The following SEPTIN9 variants were observed in gnomAD, a reference collection of about 807,000 sequenced individuals.
The protein encoded by SEPTIN9 is septin-9.
A neutral mutation model predicts 56.6 loss-of-function variants in SEPTIN9; 13 were observed. The ratio of observed to expected loss-of-function variants is 0.23; its 90% confidence interval spans 0.15 to 0.37. SEPTIN9 has a LOEUF of 0.37. Ranked by LOEUF, SEPTIN9 falls within the 10% of genes least tolerant of loss-of-function variation. The pLI, the probability that SEPTIN9 is intolerant of heterozygous loss-of-function variation, is 1.00. For synonymous variants in SEPTIN9, 332 were observed against 334.1 expected (o/e 0.99, Z 0.07); for missense variants, 650 against 823.1 (o/e 0.79, Z 2.57).
At chr17:77,334,426 A>T (rs1307468258) in intron 2 of SEPTIN9, among the ~76,000 whole-genome samples, 1 of 151,430 alleles carries the variant, frequency 6.6e-6, no homozygotes, top group African/African-American at 2.4e-5. Flanking sequence ...TGTCTCAAAA[A>T]AAAAAAAAAA....
rs2032436120 is a variant in SEPTIN9 at position 77,310,181 on chromosome 17, C to T, written c.76+2984C>T. Among the ~76,000 whole-genome samples the T allele has an allele frequency of 6.6e-6, 1 of 152,154 alleles. No individual in the cohort carries two copies. The highest frequency in any genetic ancestry group is 2.1e-4 in the South Asian group (1 of 4,824). ...ATTTTTAGTAGACACAGGGTTTCAC[C>T]ATGTTGGTCAGGCTGGTCTCATACC... On this transcript the variant is annotated intron_variant, in intron 2 of 11. Transcript: ENST00000427177. This position sits in a 1 kb window ranked among gnomAD's most constrained non-coding sequence, Gnocchi z 4.7.
At chr17:77,373,174 C>G in intron 2 of SEPTIN9, 1 of 1,066,046 alleles carries the variant, frequency 9.4e-7, no homozygotes. Context: ...CCCCAGCGGC[C>G]ACTCGGGCCC....
intron 10 of SEPTIN9, among the ~76,000 whole-genome samples, chr17:77,496,633 T>C (rs2040272290): frequency 6.6e-6 from 1 of 152,256 alleles, no homozygotes; most frequent in African/African-American, 2.4e-5. Flanking sequence ...GCCCGTGGTC[T>C]CCTGCCCAGT....
chr17:77,419,079 G>A (rs1002019570), intron 3 of SEPTIN9, among the ~76,000 whole-genome samples: 2 of 152,180 alleles, frequency 1.3e-5, no homozygotes, highest in Non-Finnish European at 2.9e-5. Flanking sequence ...CTTCTCTGCC[G>A]ATGTTCCTGA....
At chr17:77,296,060 G>A (rs1371084862) in intron 1 of SEPTIN9, among the ~76,000 whole-genome samples, 1 of 152,082 alleles carries the variant, frequency 6.6e-6, no homozygotes, top group African/African-American at 2.4e-5. Flanking sequence ...CTTATAAGAA[G>A]AGGGAGAGAC....
chr17:77,382,675 C>G (rs1430884046), intron 2 of SEPTIN9, among the ~76,000 whole-genome samples: 2 of 152,220 alleles, frequency 1.3e-5, no homozygotes, highest in African/African-American at 4.8e-5. Flanking sequence ...GGGCCTCCAC[C>G]AGAAAACCTC....
chr17:77,447,330 C>T (rs538524250), intron 3 of SEPTIN9, among the ~76,000 whole-genome samples: 1 of 152,298 alleles, frequency 6.6e-6, no homozygotes, highest in African/African-American at 2.4e-5. Flanking sequence ...CAAATGGCCC[C>T]AAATAATGTC....
chr17:77,447,702 G>A (rs1356869551), intron 3 of SEPTIN9, among the ~76,000 whole-genome samples: 3 of 152,206 alleles, frequency 2.0e-5, no homozygotes, highest in Admixed American at 6.5e-5. Context: ...TCAGCTCACC[G>A]CAACCTCCTC....
chr17:77,488,711 C>T lies in SEPTIN9; in HGVS notation c.1125-16C>T. 6.2e-7 allele frequency: 1 copy of T among 1,613,474 alleles called. No homozygotes were observed. The highest frequency in any genetic ancestry group is 8.5e-7 in the Non-Finnish European group (1 of 1,179,856). On this transcript the variant is annotated splice_polypyrimidine_tract_variant and intron_variant, in intron 6 of 11. Transcript: ENST00000427177. Reference sequence around the variant, plus strand: ...CATCTCATGTGCCTGCTGACTCGTCCCCATCCCCCACGCAGCTGGCAGCCC... The same window carrying T: ...CATCTCATGTGCCTGCTGACTCGTCTCCATCCCCCACGCAGCTGGCAGCCC...
chr17:77,334,876 T>C (rs1024917503), intron 2 of SEPTIN9, among the ~76,000 whole-genome samples: 17 of 152,218 alleles, frequency 1.1e-4, no homozygotes, highest in Admixed American at 1.0e-3. Flanking sequence ...GCACCGTTTG[T>C]TGAAAAGACA....
intron 2 of SEPTIN9, among the ~76,000 whole-genome samples, chr17:77,347,516 G>A (rs948807649): frequency 2.0e-5 from 3 of 151,774 alleles, no homozygotes; most frequent in Non-Finnish European, 2.9e-5. Context: ...ATGGTGTCTC[G>A]ATGAACTGAT....
chr17:77,380,762 G>C (rs2035114374), intron 2 of SEPTIN9, among the ~76,000 whole-genome samples: 2 of 152,170 alleles, frequency 1.3e-5, no homozygotes, highest in Non-Finnish European at 2.9e-5. Context: ...AGTTGGAGGG[G>C]GGCAGTTACC....
In SEPTIN9 at chr17:77,382,321, G is replaced by A. The variant is rs983280001; in HGVS notation, c.77-19738G>A. Reference sequence around the variant, plus strand: ...TGGGATTACAGGTGTGAGCCACTGCGCTCGGCCTTCTCTTGCCATTTCTGC... The same window carrying A: ...TGGGATTACAGGTGTGAGCCACTGCACTCGGCCTTCTCTTGCCATTTCTGC... On this transcript the variant is annotated intron_variant, in intron 2 of 11. Coordinates refer to ENST00000427177, the MANE Select transcript of SEPTIN9 (RefSeq NM_001113491.2). Among the ~76,000 whole-genome samples the A allele has an allele frequency of 5.3e-5, 8 of 152,346 alleles. No individual in the cohort carries two copies. In the East Asian group the frequency reaches 1.3e-3, roughly 26 times the overall value.
chr17:77,473,540 C>A (rs1225176110), intron 3 of SEPTIN9, among the ~76,000 whole-genome samples: 2 of 152,224 alleles, frequency 1.3e-5, no homozygotes, highest in Non-Finnish European at 2.9e-5. Flanking sequence ...CCTAGGGATT[C>A]TTTGATGAAC....
chr17:77,452,641 G>A (rs2038028744), intron 3 of SEPTIN9, among the ~76,000 whole-genome samples: 1 of 152,054 alleles, frequency 6.6e-6, no homozygotes, highest in Admixed American at 6.6e-5. Flanking sequence ...GGATGGAGTT[G>A]GAATTTGGTT....
At position 77,317,651 on chromosome 17, in the gene SEPTIN9, A is replaced by G. The variant is rs780032755; in HGVS notation, c.76+10454A>G. 1.3e-5 allele frequency among the ~76,000 whole-genome samples: 2 copies of G among 152,154 alleles called. No homozygotes were observed. Among genetic ancestry groups the G allele is most frequent in the Non-Finnish European group, 2.9e-5 (2 of 68,020 alleles). Reference sequence around the variant, plus strand: ...TGGTGAGTTGTATAATTATCTCATTATATATTATAATAATAATAGAAATAA... The same window carrying G: ...TGGTGAGTTGTATAATTATCTCATTGTATATTATAATAATAATAGAAATAA... On this transcript the variant is annotated intron_variant, in intron 2 of 11. Coordinates refer to ENST00000427177, the MANE Select transcript of SEPTIN9 (RefSeq NM_001113491.2). This position sits in a 1 kb window ranked among gnomAD's most constrained non-coding sequence, Gnocchi z 4.2.
intron 3 of SEPTIN9, among the ~76,000 whole-genome samples, chr17:77,404,068 G>A (rs1381080152): frequency 6.6e-6 from 1 of 152,170 alleles, no homozygotes. Flanking sequence ...ATTTCACTCA[G>A]CATGACGTCC....
chr17:77,287,970 G>A, intron 1 of SEPTIN9: 1 of 1,054,728 alleles, frequency 9.5e-7, no homozygotes, highest in Non-Finnish European at 1.1e-6. Context: ...AGCGGTGTTG[G>A]CCCGGGGCCT....
At chr17:77,341,603 C>T (rs950379045) in intron 2 of SEPTIN9, among the ~76,000 whole-genome samples, 5 of 151,520 alleles carry the variant, frequency 3.3e-5, no homozygotes, top group Non-Finnish European at 5.9e-5. Flanking sequence ...GGTGAAACCT[C>T]GTCTCTACTA....
Sources: allele counts gnomAD v4.1 joint callset (sites outside exome capture counted in the v4.1 genomes callset), GRCh38; gene constraint gnomAD v4.1.1; non-coding constraint Gnocchi (gnomAD v3.1); transcripts MANE v1.5; gene names NCBI Gene and HGNC (gene_info 2026-07-23, HGNC 2026-07-21).